The following NEB variants were observed in gnomAD, a reference collection of about 807,000 sequenced individuals.
NEB encodes nemaline myopathy type 2.
A neutral mutation model predicts 952.2 loss-of-function variants in NEB; 512 were observed. That is an observed-to-expected ratio of 0.54 (90% CI 0.50 to 0.58). The LOEUF (loss-of-function observed/expected upper bound fraction) is 0.58, where lower values mean the gene tolerates loss of function less well. Ranked by LOEUF, NEB falls within the 20% of genes least tolerant of loss-of-function variation. The probability of loss-of-function intolerance (pLI) is 0.00; values close to 1 mark genes in which losing one functional copy is unlikely to be tolerated. For synonymous variants in NEB, 2,900 were observed against 3,149.8 expected, an observed-to-expected ratio of 0.92 and a Z score of 2.66; for missense variants, 8,428 against 9,231.1, an observed-to-expected ratio of 0.91 and a Z score of 3.56.
intron 117 of NEB, among the ~76,000 whole-genome samples, chr2:151,564,693 G>A (rs796331432): frequency 1.3e-5 from 2 of 152,098 alleles, no homozygotes; most frequent in South Asian, 4.1e-4. Flanking sequence ...TTCTCTATTG[G>A]TAGGTGCTCA....
Position 151,612,345 on chromosome 2 carries a change from C to A in NEB, c.11646G>T (p.Trp3882Cys). 6.2e-7 allele frequency: 1 copy of A among 1,613,818 alleles called. No homozygotes were observed. Among genetic ancestry groups the A allele is most frequent in the South Asian group, 1.1e-5 (1 of 91,068 alleles). The part of the protein sequence containing the change: ...SDLEWLRGIG[W>C]VPIGSVEVEK... Reference sequence around the variant, plus strand: ...CGACCTCTACAGAGCCAATGGGAACCCATCCTATGCCTCTCAGCCACTCAA... The same window carrying A: ...CGACCTCTACAGAGCCAATGGGAACACATCCTATGCCTCTCAGCCACTCAA... Residue 3882 changes from tryptophan to cysteine, a missense_variant, in exon 78 of 182, where the codon TGG becomes TGT. Physicochemically the swap from Trp to Cys is radical, Grantham distance 215. Transcript: ENST00000397345.
rs1366849960 is a variant in NEB, at chr2:151,697,422, C to T, written c.1293G>A (p.Leu431=). 1 of 1,613,770 alleles carries T rather than the reference C, an allele frequency of 6.2e-7. No individual in the cohort carries two copies. Among genetic ancestry groups the T allele is most frequent in the Admixed American group, 1.7e-5 (1 of 60,018 alleles). The change falls in exon 15 of 182, where the codon TTG becomes TTA. Residue 431 remains leucine (L), a synonymous_variant. Transcript: ENST00000397345. ...KYKDSYLKDI[L]GHYVGSFEDP... is the part of the protein sequence containing the mutation. ...CCTCGAAGCTGCCTACATAATGTCC[C>T]AAAATATCTTTTAAGTAGGAATCTT...
intron 148 of NEB, among the ~76,000 whole-genome samples, chr2:151,526,642 G>A (rs1255017992): frequency 1.3e-5 from 2 of 152,184 alleles, no homozygotes; most frequent in African/African-American, 2.4e-5. Flanking sequence ...TCCATAAAGA[G>A]TCCAGCCAGG....
At position 151,627,753 on chromosome 2, in the gene NEB, A is replaced by G. The variant is rs746866602; in HGVS notation, c.9913T>C (p.Trp3305Arg). The G allele has an allele frequency of 2.5e-6, 4 of 1,613,922 alleles. No individual in the cohort carries two copies. Among genetic ancestry groups the G allele is most frequent in the African/African-American group, 1.3e-5 (1 of 75,008 alleles). ...RNIEDDPKMM[W>R]SMHVAKIQSD... ...TGGATCTTGGCCACATGCATGGACC[A>G]CATCATCTTGGGGTCATCTTCAATG... is the stretch of plus-strand genomic sequence containing the variant. Residue 3305 changes from tryptophan to arginine, a missense_variant, in exon 69 of 182, where the codon TGG (tryptophan) becomes CGG (arginine). By Grantham distance (101) the Trp-to-Arg change is moderately radical. This residue lies in a region of NEB where 1,772 missense variants were observed against 1,960.3 expected (regional missense o/e 0.90). Transcript: ENST00000397345.
At chr2:151,536,055 A>G (rs944852146) in intron 141 of NEB, among the ~76,000 whole-genome samples, 1 of 152,126 alleles carries the variant, frequency 6.6e-6, no homozygotes, top group African/African-American at 2.4e-5. Flanking sequence ...TACAGGTTGT[A>G]CACCACCATG....
At chr2:151,700,628 T>C in intron 13 of NEB, among the ~76,000 whole-genome samples, 1 of 62,790 alleles carries the variant, frequency 1.6e-5, no homozygotes, top group African/African-American at 5.8e-5. Flanking sequence ...TTGAAGCAAT[T>C]GTGAATGGGA....
intron 55 of NEB, among the ~76,000 whole-genome samples, chr2:151,645,787 T>C (rs1212162246): frequency 6.6e-6 from 1 of 152,202 alleles, no homozygotes; most frequent in African/African-American, 2.4e-5. Flanking sequence ...GTCTACTATG[T>C]GTCAGGCACG....
In NEB at chr2:151,663,530, A is replaced by T; in HGVS notation, c.5763+18T>A. On this transcript the variant is annotated intron_variant, in intron 45 of 181. Transcript: ENST00000397345. Reference sequence around the variant, plus strand: ...TATTATCCAGAGTAAACGCTCTGCAAATGTGGTTTTCACGTACATCACTTT... The same window carrying T: ...TATTATCCAGAGTAAACGCTCTGCATATGTGGTTTTCACGTACATCACTTT... 6.3e-7 allele frequency: 1 copy of T among 1,593,898 alleles called. No homozygotes were observed. Among genetic ancestry groups the T allele is most frequent in the East Asian group, 2.2e-5 (1 of 44,542 alleles).
intron 168 of NEB, among the ~76,000 whole-genome samples, chr2:151,500,096 T>TA (rs1284410271): frequency 4.6e-5 from 7 of 152,096 alleles, no homozygotes; most frequent in Admixed American, 2.0e-4. Flanking sequence ...GAATAATAAT[T>TA]ACAACCCACA....
intron 135 of NEB, 48 bp from the exon 136 acceptor site, chr2:151,541,599 T>C: frequency 6.9e-7 from 1 of 1,450,012 alleles, no homozygotes; most frequent in South Asian, 1.2e-5. Context: ...CATGGGCATG[T>C]TATGTTCTCT....
intron 153 of NEB, among the ~76,000 whole-genome samples, chr2:151,523,564 C>A (rs2153431686): frequency 6.6e-6 from 1 of 152,306 alleles, no homozygotes; most frequent in Non-Finnish European, 1.5e-5. Context: ...CAAACTTGCA[C>A]TCTGATAGGT....
chr2:151,698,180 T>G (rs2099611139), intron 13 of NEB, among the ~76,000 whole-genome samples: 1 of 152,254 alleles, frequency 6.6e-6, no homozygotes, highest in Admixed American at 6.5e-5. Flanking sequence ...GGCCTAAGTT[T>G]CATACATTCC....
intron 143 of NEB, among the ~76,000 whole-genome samples, chr2:151,533,128 C>A (rs1286800623): frequency 2.0e-5 from 3 of 152,136 alleles, no homozygotes; most frequent in African/African-American, 7.2e-5. Flanking sequence ...TATCTTCAAT[C>A]TCTAAGGAAT....
Position 151,563,713 on chromosome 2 carries a change from ATT to A in NEB, c.18584_18585del (p.Lys6195IlefsTer6). 6.2e-7 allele frequency: 1 copy of A among 1,613,344 alleles called. No individual in the cohort carries two copies. Among genetic ancestry groups the A allele is most frequent in the Non-Finnish European group, 8.5e-7 (1 of 1,179,346 alleles). On this transcript the variant is annotated frameshift_variant, in exon 119 of 182. Transcript: ENST00000397345. LOFTEE classifies it high-confidence loss of function. ...TTCTGCTTCTCATATGTCTCTTTGT[ATT>A]TAAGCTGTAAAGTGGGTTAAACATT... The part of the protein sequence containing the change: ...KHADLVNSEL[K>X]YKETYEKQKG...
intron 161 of NEB, among the ~76,000 whole-genome samples, chr2:151,509,181 A>T (rs939609563): frequency 6.6e-6 from 1 of 152,186 alleles, no homozygotes; most frequent in Non-Finnish European, 1.5e-5. Context: ...GTTTCAGCCA[A>T]TGAGAGATGT....
intron 145 of NEB, 147 bp downstream of exon 145, chr2:151,530,847 T>A (rs1261053828): frequency 3.2e-5 from 19 of 591,802 alleles, no homozygotes; most frequent in Non-Finnish European, 5.4e-5. Flanking sequence ...ACTTACCGAA[T>A]CATGAGCAAA....
At chr2:151,617,789 C>T (rs763610664) in intron 74 of NEB, among the ~76,000 whole-genome samples, 7 of 151,250 alleles carry the variant, frequency 4.6e-5, no homozygotes, top group South Asian at 4.2e-4. Context: ...AGGCTGGGCA[C>T]GGTGGCTTAC....
chr2:151,546,266 C>A lies in NEB; in HGVS notation c.20466+79G>T. On this transcript the variant is annotated intron_variant, in intron 134 of 181. Coordinates refer to ENST00000397345, the MANE Select transcript of NEB (RefSeq NM_001164508.2). ...AAGTAGCTGCAGGCTAAGATCCCTT[C>A]TGCCTAGCCCTGGAGGCTGGTGATG... 4.4e-6 allele frequency: 5 copies of A among 1,132,196 alleles called. No individual in the cohort carries two copies. The East Asian group carries it at 9.5e-5, about 21-fold the overall frequency. The allele number at this position is 1,132,196 out of a possible 1,614,324, so 70.1% of individuals were successfully genotyped here.
At chr2:151,530,467 C>T (rs781663233) in intron 145 of NEB, among the ~76,000 whole-genome samples, 5 of 152,238 alleles carry the variant, frequency 3.3e-5, no homozygotes, top group East Asian at 3.9e-4. Flanking sequence ...TAAACTGTTC[C>T]GAGGGAGCCA....
Sources: gnomAD v4.1 joint callset for allele counts (sites outside exome capture counted in the v4.1 genomes callset) on GRCh38, gnomAD v4.1.1 for gene constraint, gnomAD v4.1.1 regional missense constraint, MANE v1.5 for transcripts, NCBI Gene and HGNC (gene_info 2026-07-23, HGNC 2026-07-21) for gene names.